The following FSIP1 variants were observed in gnomAD, a reference collection of about 807,000 sequenced individuals.
FSIP1 encodes fibrous sheath interacting protein 1, also known as fibrous sheath-interacting protein 1.
In FSIP1, 65 loss-of-function variants were observed where a neutral mutation model predicts 60.9. The ratio of observed to expected loss-of-function variants is 1.07; its 90% CI spans 0.87 to 1.31. The LOEUF is 1.31. Ranked by LOEUF, FSIP1 falls within the 40% of genes most tolerant of loss-of-function variation. The pLI is 0.00. For synonymous variants in FSIP1, 209 were observed against 221.2 expected (o/e 0.94, Z 0.49); for missense variants, 675 against 665.5 (o/e 1.01, Z -0.16).
chr15:39,701,047 G>C (rs1381774254), intron 10 of FSIP1, among the ~76,000 whole-genome samples: 1 of 152,192 alleles, frequency 6.6e-6, no homozygotes, highest in Admixed American at 6.5e-5. Context: ...AGCTATTTGG[G>C]GGGCTGAGGT....
chr15:39,708,032 T>C (rs947713293), intron 10 of FSIP1, among the ~76,000 whole-genome samples: 11 of 152,170 alleles, frequency 7.2e-5, no homozygotes, highest in Admixed American at 7.2e-4. Flanking sequence ...AGACTGTCTG[T>C]GGGGGCTGTC....
At chr15:39,624,221 T>C (rs1265117322) in intron 10 of FSIP1, among the ~76,000 whole-genome samples, 2 of 152,134 alleles carry the variant, frequency 1.3e-5, no homozygotes, top group Admixed American at 1.3e-4. Context: ...TTCAAAAATA[T>C]CATATTTTTG....
At chr15:39,738,341 A>G in intron 7 of FSIP1, 140 bp from the exon 8 acceptor site, 1 of 566,564 alleles carries the variant, frequency 1.8e-6, no homozygotes, top group East Asian at 2.9e-5. Flanking sequence ...TTTCTAGGTA[A>G]TTTTATTTTA....
At chr15:39,721,918 A>G (rs889005860) in intron 9 of FSIP1, among the ~76,000 whole-genome samples, 11 of 152,224 alleles carry the variant, frequency 7.2e-5, no homozygotes. Context: ...ACCCTTTGTA[A>G]GCAAAAGCAG....
At chr15:39,703,789 A>G (rs1298786185) in intron 10 of FSIP1, among the ~76,000 whole-genome samples, 1 of 151,390 alleles carries the variant, frequency 6.6e-6, no homozygotes, top group Non-Finnish European at 1.5e-5. Flanking sequence ...TTCCTCTCAA[A>G]GAACTCCAGC....
At chr15:39,607,616 T>G (rs543982066) in intron 11 of FSIP1, among the ~76,000 whole-genome samples, 1 of 152,250 alleles carries the variant, frequency 6.6e-6, no homozygotes, top group Non-Finnish European at 1.5e-5. Context: ...ATACAACTGA[T>G]AGGCAAATCC....
intron 10 of FSIP1, among the ~76,000 whole-genome samples, chr15:39,693,797 G>A (rs1566888150): frequency 1.3e-5 from 2 of 152,122 alleles, no homozygotes. Context: ...GTGGGTTATG[G>A]ACAAGTCACC....
rs112034054 is a variant in FSIP1, at chr15:39,632,207, C to T, written c.1189-13962G>A. On this transcript the variant is annotated intron_variant, in intron 10 of 11. Transcript: ENST00000350221. Reference sequence around the variant, plus strand: ...TTGTTGTTGTTGTTGAGACAGGGTCCGACTCTGTCACCCAGGCTGGAGTGC... The same window carrying T: ...TTGTTGTTGTTGTTGAGACAGGGTCTGACTCTGTCACCCAGGCTGGAGTGC... 5.2e-3 allele frequency among the ~76,000 whole-genome samples: 786 copies of T among 152,134 alleles called. 4 individuals are homozygous for T. The highest frequency in any genetic ancestry group is 0.017 in the African/African-American group (697 of 41,492).
intron 5 of FSIP1, among the ~76,000 whole-genome samples, chr15:39,747,037 C>CTCCTTCCCTCCTTCCA (rs1555397710): frequency 2.2e-4 from 30 of 133,472 alleles, no homozygotes; most frequent in Non-Finnish European, 1.7e-4. Context: ...CCCTCCTTCC[C>CTCCTTCCCTCCTTCCA]TCCTTCCATT....
At chr15:39,739,068 C>G (rs1396703519) in intron 7 of FSIP1, among the ~76,000 whole-genome samples, 1 of 152,220 alleles carries the variant, frequency 6.6e-6, no homozygotes, top group Non-Finnish European at 1.5e-5. Flanking sequence ...TCTGGTCTAA[C>G]CCAGGAACCC....
At chr15:39,701,905 A>C (rs1286751847) in intron 10 of FSIP1, among the ~76,000 whole-genome samples, 1 of 152,156 alleles carries the variant, frequency 6.6e-6, no homozygotes, top group Non-Finnish European at 1.5e-5. Context: ...CTACGTTTAA[A>C]TTATTGTGTT....
intron 10 of FSIP1, among the ~76,000 whole-genome samples, chr15:39,639,839 G>GC (rs1425823450): frequency 6.6e-6 from 1 of 152,094 alleles, no homozygotes. Flanking sequence ...AAAAATGAAA[G>GC]CCCACAAATA....
At chr15:39,661,555 C>A (rs1893297280) in intron 10 of FSIP1, among the ~76,000 whole-genome samples, 1 of 152,110 alleles carries the variant, frequency 6.6e-6, no homozygotes, top group South Asian at 2.1e-4. Flanking sequence ...GGTTCATTCA[C>A]CTTGAATTCA....
At chr15:39,764,078 T>G (rs887508776) in intron 4 of FSIP1, among the ~76,000 whole-genome samples, 164 bp from the exon 5 acceptor site, 1 of 152,150 alleles carries the variant, frequency 6.6e-6, no homozygotes, top group African/African-American at 2.4e-5. Context: ...TCTCACAAAA[T>G]TCTGTCAATG....
chr15:39,742,759 C>G (rs1455389368), intron 5 of FSIP1, among the ~76,000 whole-genome samples: 8 of 152,170 alleles, frequency 5.3e-5, no homozygotes, highest in Non-Finnish European at 4.4e-5. Context: ...TAATTCAAAA[C>G]ACAAAACTTC....
chr15:39,631,313 C>T (rs1333990698), intron 10 of FSIP1, among the ~76,000 whole-genome samples: 1 of 152,014 alleles, frequency 6.6e-6, no homozygotes, highest in African/African-American at 2.4e-5. Flanking sequence ...CCAGAGCGCG[C>T]ACTCCCCACA....
chr15:39,705,145 T>C (rs1895210463), intron 10 of FSIP1, among the ~76,000 whole-genome samples: 1 of 152,166 alleles, frequency 6.6e-6, no homozygotes, highest in East Asian at 1.9e-4. Flanking sequence ...TAATAAAACA[T>C]CTTTGAGAGT....
chr15:39,726,663 T>G lies in FSIP1; in HGVS notation c.976A>C (p.Lys326Gln). ...QHQQLAEIDI[K>Q]LQELSAASPT... ...GAGGCTGCAGAGAGTTCTTGGAGTT[T>G]TATATCAATTTCAGCAAGCTGCTGA... The change falls in exon 9 of 12, where the codon AAA becomes CAA. Residue 326 changes from lysine to glutamine, a missense_variant. Transcript: ENST00000350221. 6.2e-7 allele frequency: 1 copy of G among 1,614,104 alleles called. No homozygotes were observed. Among genetic ancestry groups the G allele is most frequent in the Non-Finnish European group, 8.5e-7 (1 of 1,179,986 alleles).
rs148917596 is a variant in FSIP1 at position 39,637,870 on chromosome 15, A to C, written c.1189-19625T>G. Among the ~76,000 whole-genome samples, 12 of 152,342 alleles carry C rather than the reference A, an allele frequency of 7.9e-5. No individual in the cohort carries two copies. The East Asian group carries it at 2.3e-3, about 29-fold the overall frequency. ...GGAAGCATCATTACAGAAAAAGAAG[A>C]TGAATTTTTATGTGAGCCAAAGTTG... On this transcript the variant is annotated intron_variant, in intron 10 of 11. Transcript: ENST00000350221.
Sources: allele counts gnomAD v4.1 joint callset (sites outside exome capture counted in the v4.1 genomes callset), GRCh38; gene constraint gnomAD v4.1.1; transcripts MANE v1.5; gene names NCBI Gene and HGNC (gene_info 2026-07-23, HGNC 2026-07-21).